CEP104: variants seen among roughly 807,000 people sequenced by gnomAD.
The protein encoded by CEP104 is centrosomal protein 104.
Under a neutral mutation model 113.3 loss-of-function variants are expected in CEP104, and 84 were observed. The observed-to-expected ratio is 0.74, with a 90% confidence interval of 0.62 to 0.89. CEP104 has a LOEUF of 0.89. Among genes scored for constraint, CEP104 ranks in the 40% least tolerant of loss-of-function variants. The pLI is 0.00. For missense variants in CEP104, 1,053 were observed against 1,156.6 expected, an observed-to-expected ratio of 0.91 and a Z score of 1.30; for synonymous variants, 378 against 421.7, an observed-to-expected ratio of 0.90 and a Z score of 1.27.
At chr1:3,816,872 A>C (rs1048420391) in intron 20 of CEP104, among the ~76,000 whole-genome samples, 2 of 152,228 alleles carry the variant, frequency 1.3e-5, no homozygotes, top group African/African-American at 2.4e-5. Flanking sequence ...TGCAGGCCTG[A>C]CTGCCTGGGC....
chr1:3,845,069 G>C, intron 5 of CEP104, 86 bp from the exon 6 acceptor site: 1 of 1,227,994 alleles, frequency 8.1e-7, no homozygotes, highest in South Asian at 1.2e-5. Flanking sequence ...TTCATATAAA[G>C]CTGTCAGCAA....
At chr1:3,848,880 A>G in intron 2 of CEP104, 99 bp from the exon 3 acceptor site, 4 of 893,550 alleles carry the variant, frequency 4.5e-6, no homozygotes, top group East Asian at 5.0e-5. Context: ...TTAACCACAC[A>G]CCCACTTTGA....
At chr1:3,834,844 T>G in intron 11 of CEP104, 81 bp downstream of exon 11, 1 of 1,355,784 alleles carries the variant, frequency 7.4e-7, no homozygotes, top group Non-Finnish European at 1.0e-6. Context: ...TGGTCCTCTC[T>G]CAAGCTGCTC....
rs1644027466 is a variant in CEP104, at chr1:3,823,708, C to T, written c.2365-146G>A. 7.6e-6 allele frequency: 7 copies of T among 917,116 alleles called. No individual in the cohort carries two copies. The highest frequency in any genetic ancestry group is 6.6e-5 in the African/African-American group (4 of 60,362). The allele number at this position is 917,116 out of a possible 1,614,324, so 56.8% of individuals were successfully genotyped here. ...GTAAGCCACAGGCTTCTATCTTCGG[C>T]ATTTGCCCACAGACTGTCTGGAGTC... On this transcript the variant is annotated intron_variant, in intron 18 of 21. Coordinates refer to ENST00000378230, the MANE Select transcript of CEP104 (RefSeq NM_014704.4). The surrounding 1 kb of genome is among the most constrained non-coding windows in gnomAD (Gnocchi z 4.1).
At chr1:3,825,723 A>AT in intron 18 of CEP104, 35 bp downstream of exon 18, 1 of 1,360,050 alleles carries the variant, frequency 7.4e-7, no homozygotes, top group Non-Finnish European at 1.1e-6. Flanking sequence ...GTTCCCGCTC[A>AT]TGCAAGTAGC....
At position 3,826,414 on chromosome 1, in the gene CEP104, G is replaced by C. The variant is rs142335990; in HGVS notation, c.2211C>G (p.Ala737=). Residue 737 remains alanine, a synonymous_variant, in exon 17 of 22, where the codon GCC becomes GCG. Coordinates refer to ENST00000378230, the MANE Select transcript of CEP104 (RefSeq NM_014704.4). The part of the protein sequence containing the change: ...KNQDIQGGKA[A]PAEALGIPDE... ...CCGGGATTCCCAGAGCTTCAGCAGG[G>C]GCTGCTTTCCCTCCTTGAATGTCTG... 17 of 1,613,638 alleles carry C rather than the reference G, an allele frequency of 1.1e-5. No homozygotes were observed. In the African/African-American group the frequency reaches 2.1e-4, roughly 20 times the overall value.
chr1:3,829,684 C>T (rs1644161826), intron 14 of CEP104, 107 bp downstream of exon 14: 10 of 1,197,446 alleles, frequency 8.4e-6, no homozygotes, highest in Non-Finnish European at 1.2e-5. Context: ...CGGGGCTTCC[C>T]ATACATGTGG....
intron 11 of CEP104, 119 bp downstream of exon 11, chr1:3,834,806 A>T: frequency 1.2e-6 from 1 of 815,774 alleles, no homozygotes. Context: ...CTATTGAGTT[A>T]CAGTTGGTGA....
At position 3,823,706 on chromosome 1, in the gene CEP104, G is replaced by A. The variant is rs2275836; in HGVS notation, c.2365-144C>T. Reference sequence around the variant, plus strand: ...AAGTAAGCCACAGGCTTCTATCTTCGGCATTTGCCCACAGACTGTCTGGAG... The same window carrying A: ...AAGTAAGCCACAGGCTTCTATCTTCAGCATTTGCCCACAGACTGTCTGGAG... On this transcript the variant is annotated intron_variant, in intron 18 of 21. Transcript: ENST00000378230. This position sits in a 1 kb window ranked among gnomAD's most constrained non-coding sequence, Gnocchi z 4.1. 0.023 allele frequency: 22,015 copies of A among 954,892 alleles called. 553 individuals are homozygous for A. The highest frequency in any genetic ancestry group is 0.11 in the East Asian group (4,659 of 40,570). 59.2% of individuals were successfully genotyped at this position (954,892 alleles called of 1,614,324 possible).
chr1:3,830,111 T>G (rs545536112), intron 13 of CEP104, 114 bp from the exon 14 acceptor site: 1 of 747,698 alleles, frequency 1.3e-6, no homozygotes, highest in African/African-American at 1.8e-5. Context: ...ACATCCGTAT[T>G]AAGTATTATG....
At chr1:3,824,155 C>T (rs145183297) in intron 18 of CEP104, among the ~76,000 whole-genome samples, 3,285 of 151,700 alleles carry the variant, frequency 0.022, 74 homozygotes, top group East Asian at 0.1. Flanking sequence ...GGTGTGATCT[C>T]GGCTCACCGC....
chr1:3,847,610 G>A lies in CEP104; in HGVS notation c.291C>T (p.Tyr97=), dbSNP rs139596138. The change falls in exon 4 of 22, where the codon TAC becomes TAT. Residue 97 remains tyrosine (Y), a synonymous_variant. Coordinates refer to ENST00000378230, the MANE Select transcript of CEP104 (RefSeq NM_014704.4). ...YQAERFRRLG[Y]VSLCDNEKTG... ...TCTTTTCATTATCACAGAGAGACAC[G>A]TAGCTGAAAAACAAAACACAACTGA... 72 of 1,613,866 alleles carry A rather than the reference G, an allele frequency of 4.5e-5. No homozygotes were observed. Among genetic ancestry groups the A allele is most frequent in the South Asian group, 9.9e-5 (9 of 91,068 alleles).
intron 6 of CEP104, chr1:3,843,373 A>AT: frequency 4.3e-6 from 2 of 463,342 alleles, no homozygotes; most frequent in Non-Finnish European, 7.8e-6. Context: ...AAAAATATGT[A>AT]TAATTTTTTT....
At position 3,832,370 on chromosome 1, in the gene CEP104, G is replaced by A. The variant is rs114302990; in HGVS notation, c.1660-1148C>T. Among the ~76,000 whole-genome samples the A allele has an allele frequency of 4.3e-3, 652 of 151,274 alleles. 10 individuals are homozygous for A. Among genetic ancestry groups the A allele is most frequent in the African/African-American group, 0.015 (598 of 40,926 alleles). ...GGAGTGTAGTGTAGCACATTAGGTC[G>A]TAACCAGGAGTGTAGCGTAGGTCGT... is the stretch of plus-strand genomic sequence containing the variant. On this transcript the variant is annotated intron_variant, in intron 12 of 21. Coordinates refer to ENST00000378230, the MANE Select transcript of CEP104 (RefSeq NM_014704.4).
chr1:3,834,843 C>T (rs1644279015), intron 11 of CEP104, 82 bp downstream of exon 11: 1 of 1,349,164 alleles, frequency 7.4e-7, no homozygotes, highest in Non-Finnish European at 1.0e-6. Context: ...CTGGTCCTCT[C>T]TCAAGCTGCT....
At chr1:3,827,728 C>A (rs1644120025) in intron 15 of CEP104, among the ~76,000 whole-genome samples, 1 of 152,214 alleles carries the variant, frequency 6.6e-6, no homozygotes, top group African/African-American at 2.4e-5. Flanking sequence ...CTGGGAGAGG[C>A]CTTCACCAGG....
rs988833788 is a variant in CEP104 at position 3,847,489 on chromosome 1, T to G, written c.412A>C (p.Asn138His). Residue 138 changes from asparagine to histidine, a missense_variant, in exon 4 of 22, where the codon AAC becomes CAC. Asn to His is a moderately conservative substitution (Grantham distance 68). Transcript: ENST00000378230. ...IFHQNHVNKY[N>H]IYNQVALVAI... is the part of the protein sequence containing the mutation. ...ATGCATCTTACCTGATTATATATGT[T>G]GTATTTGTTGACATGGTTTTGGTGA... 1 of 1,605,656 alleles carries G rather than the reference T, an allele frequency of 6.2e-7. No homozygotes were observed. Among genetic ancestry groups the G allele is most frequent in the Non-Finnish European group, 8.5e-7 (1 of 1,176,404 alleles).
Position 3,836,609 on chromosome 1 carries a change from A to T in CEP104, c.1203T>A (p.Ser401Arg), listed in dbSNP as rs921873829. The T allele has an allele frequency of 3.7e-6, 6 of 1,611,546 alleles. No individual in the cohort carries two copies. The African/African-American group carries it at 5.4e-5, about 15-fold the overall frequency. ...YGEAVVEPEMSNADISDARRG... is the reference protein window; with the variant it reads ...YGEAVVEPEMRNADISDARRG... ...TCCGAGCATCGCTGATGTCTGCATT[A>T]CTCATTTCCGGCTCCACCACTGCCT... Residue 401 changes from serine to arginine, a missense_variant, in exon 10 of 22, where the codon AGT becomes AGA. Ser to Arg is a moderately radical substitution (Grantham distance 110, BLOSUM62 -1). Coordinates refer to ENST00000378230, the MANE Select transcript of CEP104 (RefSeq NM_014704.4).
Position 3,836,304 on chromosome 1 carries a change from CAA to C in CEP104, c.1317+189_1317+190del, listed in dbSNP as rs34181241. 0.66 allele frequency among the ~76,000 whole-genome samples: 75,934 copies of C among 114,772 alleles called. 24,023 individuals carry two copies. Among genetic ancestry groups the C allele is most frequent in the Middle Eastern group, 0.72 (167 of 232 alleles). The allele number at this position is 114,772 out of a possible 152,430, so 75.3% of individuals were successfully genotyped here. On this transcript the variant is annotated intron_variant, in intron 10 of 21. Transcript: ENST00000378230. ...CTGGGTGAAGAGCAAGACTCCGTCT[CAA>C]AAAAAAAAAAAAAAAAAGTTAACAA...
Sources: gnomAD v4.1 joint callset for allele counts (sites outside exome capture counted in the v4.1 genomes callset) on GRCh38, gnomAD v4.1.1 for gene constraint, Gnocchi (gnomAD v3.1) non-coding constraint, MANE v1.5 for transcripts, NCBI Gene and HGNC (gene_info 2026-07-23, HGNC 2026-07-21) for gene names.